Variants in TMC1 observed in about 807,000 individuals in gnomAD.
TMC1 encodes transmembrane channel like 1, also known as transmembrane channel-like protein 1.
TMC1 carries 84 observed loss-of-function variants against 105.8 expected under a neutral mutation model. That is an observed-to-expected ratio of 0.79 (90% confidence interval 0.67 to 0.95). The LOEUF (loss-of-function observed/expected upper bound fraction) is 0.95. Ranked by LOEUF, TMC1 falls within the 40% of genes least tolerant of loss-of-function variation. The pLI, the probability that TMC1 is intolerant of heterozygous loss-of-function variation, is 0.00. For missense variants in TMC1, 817 were observed against 914.1 expected (o/e 0.89, Z 1.37); for synonymous variants, 315 against 311.5 (o/e 1.01, Z -0.12).
chr9:72,807,396 A>C (rs962223750), intron 18 of TMC1, among the ~76,000 whole-genome samples: 1 of 152,254 alleles, frequency 6.6e-6, no homozygotes, highest in Non-Finnish European at 1.5e-5. Flanking sequence ...GGTGCAATAA[A>C]TGAAGACCAA....
At chr9:72,727,626 A>G (rs1827144307) in intron 8 of TMC1, among the ~76,000 whole-genome samples, 1 of 152,128 alleles carries the variant, frequency 6.6e-6, no homozygotes, top group South Asian at 2.1e-4. Context: ...TGGTGATTAG[A>G]ATTGTTGAGA....
At chr9:72,671,296 G>A (rs68073952) in intron 5 of TMC1, among the ~76,000 whole-genome samples, 4 of 152,146 alleles carry the variant, frequency 2.6e-5, no homozygotes, top group Admixed American at 2.0e-4. Context: ...TTTTCTCTGG[G>A]TATAGGGAGG....
chr9:72,635,532 T>G (rs1825519276), intron 4 of TMC1, among the ~76,000 whole-genome samples: 1 of 152,218 alleles, frequency 6.6e-6, no homozygotes, highest in Non-Finnish European at 1.5e-5. Flanking sequence ...TTTAGGGGCT[T>G]TGTGCCAAAA....
intron 12 of TMC1, among the ~76,000 whole-genome samples, 169 bp downstream of exon 12, chr9:72,755,053 AGG>A (rs869131996): frequency 2.0e-5 from 2 of 101,784 alleles, no homozygotes; most frequent in East Asian, 3.3e-4. Flanking sequence ...AGAGAGAGAG[AGG>A]GAGGGAGGGA....
chr9:72,829,939 A>G (rs1829014513), intron 21 of TMC1, among the ~76,000 whole-genome samples: 1 of 152,224 alleles, frequency 6.6e-6, no homozygotes, highest in Non-Finnish European at 1.5e-5. Context: ...CAAACAATAC[A>G]TTCTACGGAA....
intron 2 of TMC1, among the ~76,000 whole-genome samples, chr9:72,596,695 C>G (rs557860518): frequency 6.6e-6 from 1 of 152,250 alleles, no homozygotes; most frequent in East Asian, 1.9e-4. Context: ...TTCGTGAAAA[C>G]CAAGAGTACC....
chr9:72,820,780 G>A (rs746627965), intron 19 of TMC1, 62 bp from the exon 20 acceptor site: 76 of 1,602,532 alleles, frequency 4.7e-5, no homozygotes, highest in Middle Eastern at 1.7e-4. Flanking sequence ...ATAAACAGGT[G>A]CAGTGTGACT....
At chr9:72,743,033 C>T (rs1443963613) in intron 10 of TMC1, among the ~76,000 whole-genome samples, 1 of 151,962 alleles carries the variant, frequency 6.6e-6, no homozygotes, top group African/African-American at 2.4e-5. Flanking sequence ...GTCAGGAGTT[C>T]GAGACCAGCC....
Position 72,584,784 on chromosome 9 carries a change from C to CTTTTTTTTTTTTTT in TMC1, c.-306+6766_-306+6779dup, listed in dbSNP as rs71357591. ...GTAGTTCTCCTTTTTCTTTTCTTTT[C>CTTTTTTTTTTTTTT]TTTTTTTTTTTTTTTTTTGAGACAG... is the stretch of plus-strand genomic sequence containing the variant. On this transcript the variant is annotated intron_variant, in intron 2 of 23. Transcript: ENST00000297784. 1.2e-4 allele frequency among the ~76,000 whole-genome samples: 13 copies of CTTTTTTTTTTTTTT among 113,010 alleles called. 2 individuals carry two copies. Among genetic ancestry groups the CTTTTTTTTTTTTTT allele is most frequent in the South Asian group, 3.0e-4 (1 of 3,334 alleles). 74.1% of individuals were successfully genotyped at this position (113,010 alleles called of 152,430 possible).
At chr9:72,694,442 C>A in intron 6 of TMC1, 101 bp from the exon 7 acceptor site, 2 of 992,314 alleles carry the variant, frequency 2.0e-6, no homozygotes, top group Non-Finnish European at 3.1e-6. Context: ...CTAGACTGTG[C>A]TGTCAGATGT....
intron 5 of TMC1, among the ~76,000 whole-genome samples, chr9:72,678,652 T>C (rs946671575): frequency 3.9e-5 from 6 of 152,016 alleles, no homozygotes; most frequent in Non-Finnish European, 7.4e-5. Flanking sequence ...GCAGTATGTA[T>C]ATATATATTC....
At chr9:72,835,772 T>A (rs921240179) in intron 23 of TMC1, among the ~76,000 whole-genome samples, 179 bp from the exon 24 acceptor site, 7 of 151,714 alleles carry the variant, frequency 4.6e-5, no homozygotes, top group Non-Finnish European at 8.8e-5. Context: ...GGAAATATTT[T>A]GAACATTAAA....
chr9:72,735,893 C>A (rs1827290178), intron 8 of TMC1, among the ~76,000 whole-genome samples: 1 of 152,184 alleles, frequency 6.6e-6, no homozygotes, highest in Non-Finnish European at 1.5e-5. Context: ...CCATCCCCAA[C>A]ATATCTGATG....
At chr9:72,772,028 G>A (rs1199855419) in intron 12 of TMC1, among the ~76,000 whole-genome samples, 1 of 152,148 alleles carries the variant, frequency 6.6e-6, no homozygotes, top group Non-Finnish European at 1.5e-5. Context: ...ATCTGCCACA[G>A]CACTTTGAGG....
intron 1 of TMC1, among the ~76,000 whole-genome samples, chr9:72,527,084 A>G (rs1823417872): frequency 6.6e-6 from 1 of 152,128 alleles, no homozygotes; most frequent in African/African-American, 2.4e-5. Context: ...CTTGTCTTGT[A>G]GGATGTTAGC....
chr9:72,737,582 C>T (rs1034366970), intron 8 of TMC1, among the ~76,000 whole-genome samples: 1 of 152,132 alleles, frequency 6.6e-6, no homozygotes, highest in African/African-American at 2.4e-5. Context: ...GCATCAGAAA[C>T]ATGGGCAAGG....
chr9:72,708,848 C>A (rs1826787129), intron 8 of TMC1, among the ~76,000 whole-genome samples: 1 of 152,124 alleles, frequency 6.6e-6, no homozygotes, highest in Non-Finnish European at 1.5e-5. Flanking sequence ...AGAGGGAATG[C>A]TTTCAACTAT....
At chr9:72,661,813 A>T (rs573141411) in intron 5 of TMC1, among the ~76,000 whole-genome samples, 1 of 152,216 alleles carries the variant, frequency 6.6e-6, no homozygotes, top group Non-Finnish European at 1.5e-5. Flanking sequence ...AAGTCCAAGG[A>T]TGAGGTGAGT....
chr9:72,700,780 A>C, intron 8 of TMC1, 137 bp downstream of exon 8: 1 of 324,622 alleles, frequency 3.1e-6, no homozygotes, highest in Non-Finnish European at 5.7e-6. Flanking sequence ...ACACACACAC[A>C]TACACTGTAT....
Sources: gnomAD v4.1 joint callset for allele counts (sites outside exome capture counted in the v4.1 genomes callset) on GRCh38, gnomAD v4.1.1 for gene constraint, MANE v1.5 for transcripts, NCBI Gene and HGNC (gene_info 2026-07-23, HGNC 2026-07-21) for gene names.